Variants in ATP8B4 observed in about 807,000 individuals in gnomAD.
ATP8B4 encodes ATPase phospholipid transporting 8B4 (putative), also known as probable phospholipid-transporting ATPase IM.
ATP8B4 carries 133 observed loss-of-function variants against 145.6 expected under a neutral mutation model. That is an observed-to-expected ratio of 0.91 (90% CI 0.79 to 1.05). The LOEUF (loss-of-function observed/expected upper bound fraction) is 1.05. Ranked by LOEUF, ATP8B4 falls within the 50% of genes least tolerant of loss-of-function variation. The probability of loss-of-function intolerance (pLI) is 0.00; values close to 1 mark genes in which losing one functional copy is unlikely to be tolerated. For missense variants in ATP8B4, 1,458 were observed against 1,425.2 expected (o/e 1.02, Z -0.37); for synonymous variants, 507 against 492.9 (o/e 1.03, Z -0.38).
Position 49,981,239 on chromosome 15 carries a change from G to T in ATP8B4, c.804C>A (p.Ser268Arg). Residue 268 changes from serine to arginine, a missense_variant, in exon 11 of 28, where the codon AGC becomes AGA. By Grantham distance (110) the Ser-to-Arg change is moderately radical. Coordinates refer to ENST00000284509, the MANE Select transcript of ATP8B4 (RefSeq NM_024837.4). ...CTAGAGTATTCATCAATCTATCAAT[G>T]CTTGTCCTTTTAAACTTTGTCTTAC... ...NSGKTKFKRT[S>R]IDRLMNTLVL... 6.2e-7 allele frequency: 1 copy of T among 1,610,402 alleles called. No homozygotes were observed. The highest frequency in any genetic ancestry group is 2.2e-5 in the East Asian group (1 of 44,736).
intron 23 of ATP8B4, among the ~76,000 whole-genome samples, chr15:49,889,844 G>A (rs998808198): frequency 6.6e-6 from 1 of 152,212 alleles, no homozygotes; most frequent in South Asian, 2.1e-4. Flanking sequence ...AACACAATCT[G>A]TTTACATTTG....
In ATP8B4 at chr15:49,897,305, C is replaced by T. The variant is rs756575696; in HGVS notation, c.2684G>A (p.Gly895Asp). 1 of 1,607,738 alleles carries T rather than the reference C, an allele frequency of 6.2e-7. No homozygotes were observed. The highest frequency in any genetic ancestry group is 2.2e-5 in the East Asian group (1 of 44,854). Residue 895 changes from glycine to aspartate, a missense_variant, in exon 23 of 28, where the codon GGT becomes GAT. Transcript: ENST00000284509. ...LVHFWFGFFC[G>D]FSAQTVYDQW... ...GCTTTTACCAACCTGGGCTGAGAAA[C>T]CACAGAAGAAACCAAACCAGAAATG...
chr15:49,923,168 G>C (rs73396974), intron 17 of ATP8B4, among the ~76,000 whole-genome samples: 239 of 152,314 alleles, frequency 1.6e-3, no homozygotes, highest in African/African-American at 5.3e-3. Flanking sequence ...TCCACCTGTA[G>C]AGACTGACTG....
At position 49,897,444 on chromosome 15, in the gene ATP8B4, C is replaced by A; in HGVS notation, c.2545G>T (p.Ala849Ser). 6.2e-7 allele frequency: 1 copy of A among 1,609,896 alleles called. No homozygotes were observed. Among genetic ancestry groups the A allele is most frequent in the Non-Finnish European group, 8.5e-7 (1 of 1,178,318 alleles). ...AGCCTTTGGAGATATCTAAACTGTG[C>A]AAATGAATAGTCGCTGGCTAAGACT... Reference protein sequence around the residue: ...QAVLASDYSFAQFRYLQRLLL... With the variant: ...QAVLASDYSFSQFRYLQRLLL... The change falls in exon 23 of 28, where the codon GCA (alanine) becomes TCA (serine). Residue 849 changes from alanine (A) to serine (S), a missense_variant. Coordinates refer to ENST00000284509, the MANE Select transcript of ATP8B4 (RefSeq NM_024837.4).
At chr15:50,025,779 CTG>C (rs989371165) in intron 6 of ATP8B4, among the ~76,000 whole-genome samples, 8 of 152,210 alleles carry the variant, frequency 5.3e-5, no homozygotes, top group Non-Finnish European at 1.0e-4. Flanking sequence ...GAGAACATGT[CTG>C]TTTGGGTTGA....
chr15:50,160,047 A>C (rs2044493605), intron 1 of ATP8B4, among the ~76,000 whole-genome samples: 1 of 18,592 alleles, frequency 5.4e-5, no homozygotes, highest in Admixed American at 6.7e-4. Context: ...TTGCTGGGAG[A>C]CTTTTTATTA....
At chr15:49,893,995 C>A (rs762045131) in intron 23 of ATP8B4, among the ~76,000 whole-genome samples, 2 of 152,174 alleles carry the variant, frequency 1.3e-5, no homozygotes, top group East Asian at 3.8e-4. Context: ...TACAAAGAAG[C>A]TGACCCCACA....
chr15:49,891,466 CA>C (rs1160476436), intron 23 of ATP8B4, among the ~76,000 whole-genome samples: 1 of 152,078 alleles, frequency 6.6e-6, no homozygotes, highest in Non-Finnish European at 1.5e-5. Context: ...GCTGGGATTA[CA>C]GGCACGCTCC....
Position 49,934,260 on chromosome 15 carries a change from C to A in ATP8B4, c.1288-78G>T, listed in dbSNP as rs150038145. On this transcript the variant is annotated intron_variant, in intron 14 of 27. Transcript: ENST00000284509. The stretch of plus-strand genomic sequence containing the variant: ...TCTTTTAAAATTCAAAAATAGTTCC[C>A]CCAAGTATTTTTAGTGTATTATTTT... 8.9e-3 allele frequency: 12,983 copies of A among 1,461,506 alleles called. 282 individuals are homozygous for A. Among genetic ancestry groups the A allele is most frequent in the South Asian group, 0.072 (5,474 of 76,248 alleles). 90.5% of individuals were successfully genotyped at this position (1,461,506 alleles called of 1,614,324 possible). A position where few individuals can be genotyped will look rare whatever the true frequency, so the allele number is the denominator to read the frequency against.
chr15:50,168,171 A>G (rs1595665104), intron 1 of ATP8B4, among the ~76,000 whole-genome samples: 1 of 152,246 alleles, frequency 6.6e-6, no homozygotes, highest in South Asian at 2.1e-4. Flanking sequence ...TAACCAACAC[A>G]TTCGGGAATG....
At chr15:50,144,799 T>C (rs1200327894) in intron 1 of ATP8B4, among the ~76,000 whole-genome samples, 1 of 152,062 alleles carries the variant, frequency 6.6e-6, no homozygotes, top group African/African-American at 2.4e-5. Context: ...TACCTTTCCC[T>C]AACTATCAAC....
At chr15:50,161,884 T>C (rs574029660) in intron 1 of ATP8B4, among the ~76,000 whole-genome samples, 4 of 152,322 alleles carry the variant, frequency 2.6e-5, no homozygotes, top group African/African-American at 9.6e-5. Flanking sequence ...TCTTAATCAT[T>C]TTTTAATCTC....
rs573087081 is a variant in ATP8B4, at chr15:49,865,227, C to T, written c.3166+1119G>A. Among the ~76,000 whole-genome samples, 21 of 152,304 alleles carry T rather than the reference C, an allele frequency of 1.4e-4. No individual in the cohort carries two copies. The South Asian group carries it at 4.1e-3, about 30-fold the overall frequency. On this transcript the variant is annotated intron_variant, in intron 26 of 27. Transcript: ENST00000284509. The stretch of plus-strand genomic sequence containing the variant: ...ATGCCTCCATAACAGCCTTAAAGAA[C>T]AGGGTTCAAAGAGTTCCTAGATAGC...
At chr15:49,885,768 G>T (rs2036112078) in intron 23 of ATP8B4, 2 of 151,954 alleles carry the variant, frequency 1.3e-5, no homozygotes, top group Admixed American at 1.3e-4. Context: ...TCTGAGATTT[G>T]TCCCTCTCCC....
At chr15:49,959,686 A>T (rs979704687) in intron 14 of ATP8B4, among the ~76,000 whole-genome samples, 3 of 152,168 alleles carry the variant, frequency 2.0e-5, no homozygotes, top group Non-Finnish European at 4.4e-5. Flanking sequence ...AGAGAAAGAC[A>T]CTAGGTGGAA....
At chr15:50,129,071 A>AAAAT (rs559073143) in intron 1 of ATP8B4, among the ~76,000 whole-genome samples, 141 of 152,308 alleles carry the variant, frequency 9.3e-4, no homozygotes, top group African/African-American at 3.1e-3. Context: ...CCGTCTCAAA[A>AAAAT]AAATAAATAA....
chr15:50,154,073 C>A (rs1404365893), intron 1 of ATP8B4, among the ~76,000 whole-genome samples: 1 of 152,182 alleles, frequency 6.6e-6, no homozygotes, highest in Admixed American at 6.5e-5. Flanking sequence ...TGATCACATG[C>A]AAAATTTCTT....
At chr15:49,936,281 A>T (rs1326214570) in intron 14 of ATP8B4, among the ~76,000 whole-genome samples, 1 of 152,034 alleles carries the variant, frequency 6.6e-6, no homozygotes, top group African/African-American at 2.4e-5. Flanking sequence ...TCCTCACCCC[A>T]TGCCACCCCC....
At chr15:49,948,595 G>A (rs1236015983) in intron 14 of ATP8B4, among the ~76,000 whole-genome samples, 1 of 152,178 alleles carries the variant, frequency 6.6e-6, no homozygotes, top group East Asian at 1.9e-4. Context: ...CCATGTAAAT[G>A]TCTTCTTTTG....
Sources: allele counts gnomAD v4.1 joint callset (sites outside exome capture counted in the v4.1 genomes callset), GRCh38; gene constraint gnomAD v4.1.1; transcripts MANE v1.5; gene names NCBI Gene and HGNC (gene_info 2026-07-23, HGNC 2026-07-21).